The following KITLG variants were observed in gnomAD, a reference collection of about 807,000 sequenced individuals.
KITLG encodes KIT ligand.
KITLG carries 13 observed loss-of-function variants against 34.1 expected under a neutral mutation model. The ratio of observed to expected loss-of-function variants is 0.38; its 90% confidence interval spans 0.25 to 0.61. The LOEUF (loss-of-function observed/expected upper bound fraction) is 0.61, where lower values mean the gene tolerates loss of function less well. Ranked by LOEUF, KITLG falls within the 20% of genes least tolerant of loss-of-function variation. The pLI, the probability that KITLG is intolerant of heterozygous loss-of-function variation, is 0.60. For missense variants in KITLG, 292 were observed against 318.9 expected (o/e 0.92, Z 0.64); for synonymous variants, 110 against 104.0 (o/e 1.06, Z -0.35).
intron 7 of KITLG, 126 bp from the exon 8 acceptor site, chr12:88,506,504 C>A (rs965595138): frequency 9.3e-5 from 68 of 733,446 alleles, no homozygotes; most frequent in Non-Finnish European, 1.5e-4. Flanking sequence ...CAGCATGTAG[C>A]ATGCAAAATA....
chr12:88,525,412 T>G (rs1566023575), intron 3 of KITLG, among the ~76,000 whole-genome samples: 1 of 152,336 alleles, frequency 6.6e-6, no homozygotes, highest in East Asian at 1.9e-4. Context: ...AGTTAAATGT[T>G]TATTCATAAC....
intron 1 of KITLG, among the ~76,000 whole-genome samples, chr12:88,551,398 T>C (rs1419012976): frequency 6.6e-6 from 1 of 152,216 alleles, no homozygotes; most frequent in Admixed American, 6.5e-5. Flanking sequence ...GTCTTTCTAA[T>C]ATTGTACACA....
At chr12:88,538,257 C>A (rs1015079922) in intron 2 of KITLG, among the ~76,000 whole-genome samples, 6 of 151,778 alleles carry the variant, frequency 4.0e-5, no homozygotes, top group African/African-American at 1.5e-4. Context: ...AGGAAAACTG[C>A]CTTTGAGAGA....
chr12:88,547,980 G>A (rs1870772952), intron 1 of KITLG, among the ~76,000 whole-genome samples: 1 of 152,146 alleles, frequency 6.6e-6, no homozygotes, highest in East Asian at 1.9e-4. Context: ...GTCAAAAGGT[G>A]TCAAAAGCTA....
At chr12:88,576,498 G>A (rs1379229691) in intron 1 of KITLG, among the ~76,000 whole-genome samples, 1 of 151,984 alleles carries the variant, frequency 6.6e-6, no homozygotes, top group African/African-American at 2.4e-5. Context: ...CTACTATGCT[G>A]GTATAAAGAC....
intron 1 of KITLG, among the ~76,000 whole-genome samples, chr12:88,579,718 G>T (rs1322390343): frequency 1.3e-5 from 2 of 151,902 alleles, no homozygotes; most frequent in Non-Finnish European, 2.9e-5. Context: ...AGGCGGGCAG[G>T]TTCCCGCCCC....
chr12:88,552,283 T>C (rs915583951), intron 1 of KITLG, among the ~76,000 whole-genome samples: 2 of 151,646 alleles, frequency 1.3e-5, no homozygotes, highest in Non-Finnish European at 2.9e-5. Flanking sequence ...CAAGTGATTC[T>C]CCTGCCTCAG....
chr12:88,577,749 A>C (rs1871878246), intron 1 of KITLG, among the ~76,000 whole-genome samples: 1 of 152,216 alleles, frequency 6.6e-6, no homozygotes, highest in Non-Finnish European at 1.5e-5. Context: ...TGCTAAATGA[A>C]TGAATCATTC....
intron 5 of KITLG, among the ~76,000 whole-genome samples, chr12:88,515,831 A>G (rs569164392): frequency 2.8e-4 from 42 of 151,952 alleles, no homozygotes; most frequent in African/African-American, 9.4e-4. Flanking sequence ...TATTGAATAA[A>G]TATGTTAATA....
chr12:88,494,380 G>A lies in KITLG; in HGVS notation c.*2839C>T, dbSNP rs149899251. 1.9e-3 allele frequency: 288 copies of A among 152,154 alleles called. No homozygotes were observed. The highest frequency in any genetic ancestry group is 6.7e-3 in the African/African-American group (277 of 41,478). 9.4% of individuals were successfully genotyped at this position (152,154 alleles called of 1,614,324 possible). The stretch of plus-strand genomic sequence containing the variant: ...TTTAGTTGAATTAGAGTAGGAAAAC[G>A]TGCCCCAAAGTTTCTCCAAAGTACT... On this transcript the variant is annotated 3_prime_UTR_variant, in exon 10 of 10. Transcript: ENST00000644744.
At chr12:88,569,852 C>T (rs1871584234) in intron 1 of KITLG, among the ~76,000 whole-genome samples, 1 of 151,944 alleles carries the variant, frequency 6.6e-6, no homozygotes, top group South Asian at 2.1e-4. Context: ...TGACAATCAC[C>T]CATTTAAAAT....
intron 1 of KITLG, among the ~76,000 whole-genome samples, chr12:88,579,891 T>C (rs185596249): frequency 6.6e-6 from 1 of 152,370 alleles, no homozygotes; most frequent in East Asian, 1.9e-4. Flanking sequence ...CATAATCTCC[T>C]GGAATCCACG....
intron 1 of KITLG, among the ~76,000 whole-genome samples, chr12:88,579,872 G>A (rs948000596): frequency 6.6e-6 from 1 of 152,216 alleles, no homozygotes; most frequent in Admixed American, 6.5e-5. Context: ...GGCGCGTGGG[G>A]TGCTGTTTCA....
intron 2 of KITLG, among the ~76,000 whole-genome samples, chr12:88,532,712 T>C (rs1374187462): frequency 6.6e-6 from 1 of 152,114 alleles, no homozygotes; most frequent in Non-Finnish European, 1.5e-5. Context: ...ATAATACAGA[T>C]CTTTTAGACT....
At chr12:88,499,449 A>C (rs1156542209) in intron 9 of KITLG, among the ~76,000 whole-genome samples, 1 of 152,190 alleles carries the variant, frequency 6.6e-6, no homozygotes, top group Non-Finnish European at 1.5e-5. Flanking sequence ...ACCTCTCCAC[A>C]ATCAAACCCA....
At position 88,560,967 on chromosome 12, in the gene KITLG, CAAAAAAA is replaced by C. The variant is rs34851499; in HGVS notation, c.16-15109_16-15103del. On this transcript the variant is annotated intron_variant, in intron 1 of 9. Coordinates refer to ENST00000644744, the MANE Select transcript of KITLG (RefSeq NM_000899.5). ...TGGGTAACAAAGCGAGACTCTGTCT[CAAAAAAA>C]AAAAAAAAAAAAAAAAAAAGAAAGA... Among the ~76,000 whole-genome samples the C allele has an allele frequency of 1.6e-3, 95 of 58,102 alleles. 2 individuals carry two copies. The highest frequency in any genetic ancestry group is 7.6e-3 in the African/African-American group (83 of 10,950). 38.1% of individuals were successfully genotyped at this position (58,102 alleles called of 152,430 possible).
At chr12:88,520,683 T>C (rs1869625693) in intron 3 of KITLG, among the ~76,000 whole-genome samples, 1 of 152,204 alleles carries the variant, frequency 6.6e-6, no homozygotes, top group Non-Finnish European at 1.5e-5. Flanking sequence ...CATTTTGCTT[T>C]TTTTTTGTGG....
intron 9 of KITLG, among the ~76,000 whole-genome samples, chr12:88,503,522 C>T (rs1868942754): frequency 6.6e-6 from 1 of 152,146 alleles, no homozygotes; most frequent in African/African-American, 2.4e-5. Context: ...TAAATGCTCT[C>T]AGGATTCCAT....
At chr12:88,508,123 G>A (rs183981272) in intron 6 of KITLG, among the ~76,000 whole-genome samples, 1 of 151,886 alleles carries the variant, frequency 6.6e-6, no homozygotes, top group Admixed American at 6.6e-5. Flanking sequence ...GGAGGCGGAA[G>A]TCGTAATGAG....
Sources: gnomAD v4.1 joint callset for allele counts (sites outside exome capture counted in the v4.1 genomes callset) on GRCh38, gnomAD v4.1.1 for gene constraint, MANE v1.5 for transcripts, NCBI Gene and HGNC (gene_info 2026-07-23, HGNC 2026-07-21) for gene names.